The following ADAMTS8 variants were observed in gnomAD, a reference collection of about 807,000 sequenced individuals.
ADAMTS8 encodes ADAM metallopeptidase with thrombospondin type 1 motif 8, also known as A disintegrin and metalloproteinase with thrombospondin motifs 8.
ADAMTS8 carries 50 observed loss-of-function variants against 64.4 expected under a neutral mutation model. The ratio of observed to expected loss-of-function variants is 0.78; its 90% CI spans 0.62 to 0.98. The LOEUF (loss-of-function observed/expected upper bound fraction) is 0.98. Among genes scored for constraint, ADAMTS8 ranks in the 50% least tolerant of loss-of-function variants. ADAMTS8 has a pLI of 0.00. For synonymous variants in ADAMTS8, 556 were observed against 533.6 expected, an observed-to-expected ratio of 1.04 and a Z score of -0.58; for missense variants, 1,192 against 1,208.2, an observed-to-expected ratio of 0.99 and a Z score of 0.20.
chr11:130,405,048 G>T lies in ADAMTS8; in HGVS notation c.*510C>A. On this transcript the variant is annotated 3_prime_UTR_variant, in exon 9 of 9. Transcript: ENST00000257359. The stretch of plus-strand genomic sequence containing the variant: ...ACCCTGCGACGCTGCGGCCCTTTAG[G>T]TGATGGATTTTAACACTGAAGACAG... 1.0e-6 allele frequency: 1 copy of T among 987,472 alleles called. No homozygotes were observed. The highest frequency in any genetic ancestry group is 4.7e-5 in the South Asian group (1 of 21,318). The allele number at this position is 987,472 out of a possible 1,614,324, so 61.2% of individuals were successfully genotyped here.
Position 130,414,849 on chromosome 11 carries a change from C to T in ADAMTS8, c.1265-17G>A. On this transcript the variant is annotated splice_polypyrimidine_tract_variant and intron_variant, in intron 4 of 8. Coordinates refer to ENST00000257359, the MANE Select transcript of ADAMTS8 (RefSeq NM_007037.6). ...GACAGTCTCCTGGGAAAAGAGGAAG[C>T]AGGGGTGTAAGAACATGCACAGGGC... The T allele has an allele frequency of 6.3e-7, 1 of 1,592,360 alleles. No homozygotes were observed. Among genetic ancestry groups the T allele is most frequent in the Non-Finnish European group, 8.6e-7 (1 of 1,168,506 alleles).
Position 130,406,257 on chromosome 11 carries a change from G to A in ADAMTS8, c.2100-129C>T, listed in dbSNP as rs1318406758. The A allele has an allele frequency of 2.4e-5, 28 of 1,190,544 alleles. No individual in the cohort carries two copies. In the East Asian group the frequency reaches 2.6e-4, roughly 11 times the overall value. 73.7% of individuals were successfully genotyped at this position (1,190,544 alleles called of 1,614,324 possible). A position where few individuals can be genotyped will look rare whatever the true frequency, so the allele number is the denominator to read the frequency against. ...AAAAACAAAGCAAGTAATTAAGCAAGTTGCCTCAAAGTTCTCAATAAATTA... is the reference window on the plus strand; with the variant it reads ...AAAAACAAAGCAAGTAATTAAGCAAATTGCCTCAAAGTTCTCAATAAATTA... On this transcript the variant is annotated intron_variant, in intron 8 of 8. Coordinates refer to ENST00000257359, the MANE Select transcript of ADAMTS8 (RefSeq NM_007037.6).
intron 4 of ADAMTS8, among the ~76,000 whole-genome samples, chr11:130,415,234 G>T (rs1456010225): frequency 1.3e-5 from 2 of 152,122 alleles, no homozygotes; most frequent in African/African-American, 2.4e-5. Flanking sequence ...TCAGTGAGAA[G>T]GATCTAGAAT....
In ADAMTS8 at chr11:130,416,959, G is replaced by T. The variant is rs779331271; in HGVS notation, c.1077C>A (p.His359Gln). ...TCTTACCTAGTTCATGGGCCAGGGT[G>T]TGGGCCGCCTGGAGCCCCTCATCCT... Reference protein sequence around the residue: ...VIEDEGLQAAHTLAHELGHVL... With the variant: ...VIEDEGLQAAQTLAHELGHVL... The change falls in exon 3 of 9, where the codon CAC (histidine) becomes CAA (glutamine). Residue 359 changes from histidine (H) to glutamine (Q), a missense_variant. His to Gln is a conservative substitution (Grantham distance 24). Transcript: ENST00000257359. The surrounding 1 kb of genome is among the most constrained non-coding windows in gnomAD (Gnocchi z 4.8). The T allele has an allele frequency of 1.2e-6, 2 of 1,614,036 alleles. No individual in the cohort carries two copies. Among genetic ancestry groups the T allele is most frequent in the Admixed American group, 3.3e-5 (2 of 60,006 alleles).
At position 130,416,235 on chromosome 11, in the gene ADAMTS8, G is replaced by T; in HGVS notation, c.1192C>A (p.His398Asn). 1 of 1,592,726 alleles carries T rather than the reference G, an allele frequency of 6.3e-7. No individual in the cohort carries two copies. Among genetic ancestry groups the T allele is most frequent in the Non-Finnish European group, 8.5e-7 (1 of 1,170,396 alleles). Reference sequence around the variant, plus strand: ...GACCAGGGCAGCGTCTGGTTCAGGTGGACGAACAGCGGTGCCATCACGTGG... The same window carrying T: ...GACCAGGGCAGCGTCTGGTTCAGGTTGACGAACAGCGGTGCCATCACGTGG... Reference protein sequence around the residue: ...KHHVMAPLFVHLNQTLPWSPC... With the variant: ...KHHVMAPLFVNLNQTLPWSPC... The change falls in exon 4 of 9, where the codon CAC becomes AAC. Residue 398 changes from histidine to asparagine, a missense_variant. This residue lies in a region of ADAMTS8 where 741 missense variants were observed against 710.6 expected (regional missense o/e 1.04). Transcript: ENST00000257359. The surrounding 1 kb of genome is among the most constrained non-coding windows in gnomAD (Gnocchi z 4.8).
intron 1 of ADAMTS8, among the ~76,000 whole-genome samples, chr11:130,420,568 A>C (rs1468320374): frequency 6.6e-6 from 1 of 151,886 alleles, no homozygotes; most frequent in Admixed American, 6.6e-5. Context: ...GGAAGGTGGG[A>C]GTGGAAGGAG....
intron 6 of ADAMTS8, among the ~76,000 whole-genome samples, chr11:130,409,578 C>G (rs1861928162): frequency 6.6e-6 from 1 of 152,158 alleles, no homozygotes; most frequent in African/African-American, 2.4e-5. Flanking sequence ...GCATCTCTAT[C>G]TGCTATTTCC....
At chr11:130,408,099 C>A (rs971162556) in intron 8 of ADAMTS8, among the ~76,000 whole-genome samples, 4 of 152,082 alleles carry the variant, frequency 2.6e-5, no homozygotes, top group African/African-American at 9.7e-5. Context: ...CCAAAACAGG[C>A]CTGGGAGAGC....
In ADAMTS8 at chr11:130,411,365, C is replaced by T; in HGVS notation, c.1750+52G>A. 2 of 1,587,000 alleles carry T rather than the reference C, an allele frequency of 1.3e-6. No homozygotes were observed. Among genetic ancestry groups the T allele is most frequent in the Admixed American group, 1.7e-5 (1 of 58,434 alleles). On this transcript the variant is annotated intron_variant, in intron 6 of 8. Transcript: ENST00000257359. This position sits in a 1 kb window ranked among gnomAD's most constrained non-coding sequence, Gnocchi z 4.2. Reference sequence around the variant, plus strand: ...CTTTACACATCCTCTGGGGATGCGTCATAGCAATGATAGTAGCTGCTCTGG... The same window carrying T: ...CTTTACACATCCTCTGGGGATGCGTTATAGCAATGATAGTAGCTGCTCTGG...
intron 7 of ADAMTS8, 33 bp downstream of exon 7, chr11:130,408,735 A>T (rs374907085): frequency 6.2e-7 from 1 of 1,613,312 alleles, no homozygotes; most frequent in African/African-American, 1.3e-5. Flanking sequence ...CTTCCTCCCC[A>T]TCTCTGGATC....
chr11:130,408,491 T>TTCC lies in ADAMTS8; in HGVS notation c.2069_2071dup (p.Arg690dup). ...GGTGGGGGTGAGGGACCCGGAGACC[T>TTCC]TCCTGCAGGAGTTGCCTTTGCCCCC... On this transcript the variant is annotated inframe_insertion, in exon 8 of 9. Transcript: ENST00000257359. 1 of 1,613,974 alleles carries TTCC rather than the reference T, an allele frequency of 6.2e-7. No individual in the cohort carries two copies. The highest frequency in any genetic ancestry group is 1.3e-5 in the African/African-American group (1 of 75,028).
At position 130,416,696 on chromosome 11, in the gene ADAMTS8, C is replaced by T. The variant is rs187497860; in HGVS notation, c.1096+244G>A. On this transcript the variant is annotated intron_variant, in intron 3 of 8. Transcript: ENST00000257359. The surrounding 1 kb of genome is among the most constrained non-coding windows in gnomAD (Gnocchi z 4.8). ...GGTGTCCTGTGTCCTGGCATTTGCC[C>T]GGTGACCTGTGATAATCGTGTGGGA... is the stretch of plus-strand genomic sequence containing the variant. Among the ~76,000 whole-genome samples the T allele has an allele frequency of 2.3e-3, 346 of 152,302 alleles. 1 individual carries two copies. The highest frequency in any genetic ancestry group is 7.8e-3 in the African/African-American group (326 of 41,566).
At position 130,416,894 on chromosome 11, in the gene ADAMTS8, G is replaced by C. The variant is rs1225872482; in HGVS notation, c.1096+46C>G. On this transcript the variant is annotated intron_variant, in intron 3 of 8. Coordinates refer to ENST00000257359, the MANE Select transcript of ADAMTS8 (RefSeq NM_007037.6). The surrounding 1 kb of genome is among the most constrained non-coding windows in gnomAD (Gnocchi z 4.8). Reference sequence around the variant, plus strand: ...ACGCAACCTTGGATCTGGAAGAGCAGTTCCCTCCGATGTGGTGAAGTGGGC... The same window carrying C: ...ACGCAACCTTGGATCTGGAAGAGCACTTCCCTCCGATGTGGTGAAGTGGGC... The C allele has an allele frequency of 6.2e-7, 1 of 1,613,072 alleles. No homozygotes were observed. Among genetic ancestry groups the C allele is most frequent in the South Asian group, 1.1e-5 (1 of 91,066 alleles).
rs932923175 is a variant in ADAMTS8 at position 130,411,384 on chromosome 11, G to A, written c.1750+33C>T. The A allele has an allele frequency of 1.2e-6, 2 of 1,603,980 alleles. No homozygotes were observed. The highest frequency in any genetic ancestry group is 1.7e-5 in the Admixed American group (1 of 59,370). On this transcript the variant is annotated intron_variant, in intron 6 of 8. Transcript: ENST00000257359. The surrounding 1 kb of genome is among the most constrained non-coding windows in gnomAD (Gnocchi z 4.2). Reference sequence around the variant, plus strand: ...ATGCGTCATAGCAATGATAGTAGCTGCTCTGGCAGGGGCGGCCCTGAGTGG... The same window carrying A: ...ATGCGTCATAGCAATGATAGTAGCTACTCTGGCAGGGGCGGCCCTGAGTGG...
At chr11:130,419,985 G>T (rs1206438713) in intron 1 of ADAMTS8, among the ~76,000 whole-genome samples, 2 of 152,228 alleles carry the variant, frequency 1.3e-5, no homozygotes, top group Non-Finnish European at 2.9e-5. Flanking sequence ...CAATAACTCT[G>T]TGAAGAAGGT....
chr11:130,406,262 C>T, intron 8 of ADAMTS8, 134 bp from the exon 9 acceptor site: 1 of 1,067,374 alleles, frequency 9.4e-7, no homozygotes, highest in South Asian at 1.7e-5. Flanking sequence ...AGCAAGTTGC[C>T]TCAAAGTTCT....
chr11:130,414,523 T>A lies in ADAMTS8; in HGVS notation c.1566+8A>T. On this transcript the variant is annotated splice_region_variant and intron_variant, in intron 5 of 8. Coordinates refer to ENST00000257359, the MANE Select transcript of ADAMTS8 (RefSeq NM_007037.6). ...CCCTCCCCGCTATCCTCAGGGGCTGTCCCTCACCTTGGGCCTCTCCACTTC... is the reference window on the plus strand; with the variant it reads ...CCCTCCCCGCTATCCTCAGGGGCTGACCCTCACCTTGGGCCTCTCCACTTC... 6.3e-7 allele frequency: 1 copy of A among 1,585,536 alleles called. No individual in the cohort carries two copies. The highest frequency in any genetic ancestry group is 1.3e-5 in the African/African-American group (1 of 74,352).
chr11:130,424,832 C>T (rs1862143422), intron 1 of ADAMTS8, among the ~76,000 whole-genome samples: 1 of 152,142 alleles, frequency 6.6e-6, no homozygotes, highest in African/African-American at 2.4e-5. Flanking sequence ...CACAGCTGTA[C>T]CTCAGTCCCT....
chr11:130,409,036 T>A, intron 6 of ADAMTS8, 96 bp from the exon 7 acceptor site: 1 of 1,434,190 alleles, frequency 7.0e-7, no homozygotes, highest in Middle Eastern at 2.2e-4. Context: ...TTCTTCTTTC[T>A]TTTGGTTTTG....
Sources: allele counts gnomAD v4.1 joint callset (sites outside exome capture counted in the v4.1 genomes callset), GRCh38; gene constraint gnomAD v4.1.1; regional missense constraint gnomAD v4.1.1; non-coding constraint Gnocchi (gnomAD v3.1); transcripts MANE v1.5; gene names NCBI Gene and HGNC (gene_info 2026-07-23, HGNC 2026-07-21).